GLIS3: variants seen among roughly 807,000 people sequenced by gnomAD.
The protein encoded by GLIS3 is zinc finger protein GLIS3.
In GLIS3, 53 loss-of-function variants were observed where a neutral mutation model predicts 78.6. That is an observed-to-expected ratio of 0.67 (90% CI 0.54 to 0.85). The LOEUF (loss-of-function observed/expected upper bound fraction) is 0.85. GLIS3 is among the 40% of genes least tolerant of loss of function. GLIS3 has a pLI of 0.00. For synonymous variants in GLIS3, 684 were observed against 509.9 expected, an observed-to-expected ratio of 1.34 and a Z score of -4.60; for missense variants, 1,703 against 1,231.1, an observed-to-expected ratio of 1.38 and a Z score of -5.74.
At chr9:4,339,328 G>C (rs181725622) in intron 2 of GLIS3, among the ~76,000 whole-genome samples, 1 of 152,284 alleles carries the variant, frequency 6.6e-6, no homozygotes, top group Non-Finnish European at 1.5e-5. Context: ...GTTTCATTTT[G>C]AAGTACCAAA....
chr9:4,055,188 A>T (rs1329231024), intron 4 of GLIS3, among the ~76,000 whole-genome samples: 2 of 152,188 alleles, frequency 1.3e-5, no homozygotes, highest in Non-Finnish European at 2.9e-5. Flanking sequence ...CAGCATATGG[A>T]GTTGTCATTC....
At chr9:3,874,434 T>C (rs1015337301) in intron 8 of GLIS3, among the ~76,000 whole-genome samples, 3 of 152,204 alleles carry the variant, frequency 2.0e-5, no homozygotes, top group African/African-American at 7.2e-5. Flanking sequence ...ATGTCCTTTA[T>C]AATAAACTAG....
the GLIS3 span, among the ~76,000 whole-genome samples, chr9:4,374,904 C>G: frequency 6.6e-6 from 1 of 152,258 alleles, no homozygotes; most frequent in Non-Finnish European, 1.5e-5. Context: ...CACCTGACAA[C>G]TCATCTCGAG....
At chr9:3,881,020 A>G (rs1377696918) in intron 7 of GLIS3, among the ~76,000 whole-genome samples, 2 of 152,214 alleles carry the variant, frequency 1.3e-5, no homozygotes, top group Non-Finnish European at 2.9e-5. Context: ...GCTTCCATAC[A>G]AGTTGCATAT....
chr9:4,163,574 C>G (rs1349888211), intron 2 of GLIS3, among the ~76,000 whole-genome samples: 1 of 152,222 alleles, frequency 6.6e-6, no homozygotes, highest in African/African-American at 2.4e-5. Flanking sequence ...ACAGGCAGGA[C>G]AGCATGGCAG....
chr9:4,232,893 G>A (rs989903992), intron 2 of GLIS3, among the ~76,000 whole-genome samples: 1 of 152,176 alleles, frequency 6.6e-6, no homozygotes, highest in Non-Finnish European at 1.5e-5. Flanking sequence ...CCAAAGAGCA[G>A]ACTGTTAATC....
chr9:4,012,239 G>T (rs1412584948), intron 4 of GLIS3, among the ~76,000 whole-genome samples: 1 of 152,106 alleles, frequency 6.6e-6, no homozygotes, highest in Admixed American at 6.5e-5. Flanking sequence ...TCTACAGCAG[G>T]CACCAAAATG....
chr9:4,190,186 T>C (rs908788838), intron 2 of GLIS3, among the ~76,000 whole-genome samples: 5 of 152,226 alleles, frequency 3.3e-5, no homozygotes, highest in African/African-American at 1.2e-4. Context: ...GGACGGAGAA[T>C]GACTTTGACG....
chr9:4,405,221 G>C, the GLIS3 span, among the ~76,000 whole-genome samples: 1 of 152,190 alleles, frequency 6.6e-6, no homozygotes, highest in East Asian at 1.9e-4. Flanking sequence ...AGGTTTGGTG[G>C]TGCACGCCTA....
At chr9:4,069,361 C>T (rs1335189083) in intron 4 of GLIS3, among the ~76,000 whole-genome samples, 1 of 152,208 alleles carries the variant, frequency 6.6e-6, no homozygotes, top group African/African-American at 2.4e-5. Context: ...CATTCCAAAA[C>T]TCAGGCTCAG....
chr9:4,363,695 GC>G, the GLIS3 span, among the ~76,000 whole-genome samples: 1 of 152,132 alleles, frequency 6.6e-6, no homozygotes, highest in Non-Finnish European at 1.5e-5. Flanking sequence ...TAGGCACTCA[GC>G]AACATTTCTA....
intron 6 of GLIS3, among the ~76,000 whole-genome samples, chr9:3,931,904 A>T (rs1825645566): frequency 6.6e-6 from 1 of 152,212 alleles, no homozygotes; most frequent in Non-Finnish European, 1.5e-5. Context: ...CTAGAGACGT[A>T]CTTACCTTCT....
intron 2 of GLIS3, among the ~76,000 whole-genome samples, chr9:4,255,493 A>G (rs1172345117): frequency 6.6e-6 from 1 of 152,166 alleles, no homozygotes; most frequent in African/African-American, 2.4e-5. Flanking sequence ...TGAATGGATA[A>G]ACAGTCGTAT....
intron 4 of GLIS3, among the ~76,000 whole-genome samples, chr9:4,045,132 C>T (rs768023290): frequency 6.6e-6 from 1 of 152,088 alleles, no homozygotes; most frequent in Non-Finnish European, 1.5e-5. Context: ...CTTTGAATTC[C>T]AAGTCCTGAC....
At chr9:3,999,670 T>C (rs1298595601) in intron 4 of GLIS3, among the ~76,000 whole-genome samples, 1 of 152,170 alleles carries the variant, frequency 6.6e-6, no homozygotes, top group African/African-American at 2.4e-5. Flanking sequence ...AAAGTCACTA[T>C]TGTAAACATG....
chr9:3,826,332 T>C lies in GLIS3; in HGVS notation c.*1940A>G, dbSNP rs1817722372. The C allele has an allele frequency of 6.6e-6, 1 of 152,316 alleles. No individual in the cohort carries two copies. Among genetic ancestry groups the C allele is most frequent in the African/African-American group, 2.4e-5 (1 of 41,572 alleles). The allele number at this position is 152,316 out of a possible 1,614,324, so 9.4% of individuals were successfully genotyped here. A position where few individuals can be genotyped will look rare whatever the true frequency, so the allele number is the denominator to read the frequency against. ...TGAGGGATGCTACTAGCTGTGAGCA[T>C]GCATATGTTAGGCCACTTGTTTAGG... On this transcript the variant is annotated 3_prime_UTR_variant, in exon 11 of 11. Coordinates refer to ENST00000381971, the MANE Select transcript of GLIS3 (RefSeq NM_001042413.2).
chr9:4,054,519 GAGA>G, intron 4 of GLIS3: 2 of 984,958 alleles, frequency 2.0e-6, no homozygotes, highest in Non-Finnish European at 2.4e-6. Flanking sequence ...GCAGTCTACA[GAGA>G]AGGAGGCAAA....
intron 2 of GLIS3, among the ~76,000 whole-genome samples, chr9:4,144,424 A>C (rs1401880905): frequency 6.6e-6 from 1 of 152,224 alleles, no homozygotes; most frequent in Non-Finnish European, 1.5e-5. Flanking sequence ...TGAAGACAGG[A>C]AAGTTGTCAG....
chr9:4,235,117 T>C (rs11794622), intron 2 of GLIS3, among the ~76,000 whole-genome samples: 18,484 of 151,872 alleles, frequency 0.12, 1,276 homozygotes, highest in African/African-American at 0.19. Context: ...GCTAACCCGG[T>C]GAAACTCTGT....
Sources: allele counts gnomAD v4.1 joint callset (sites outside exome capture counted in the v4.1 genomes callset), GRCh38; gene constraint gnomAD v4.1.1; transcripts MANE v1.5; gene names NCBI Gene and HGNC (gene_info 2026-07-23, HGNC 2026-07-21).